Variants in SNX27 observed in about 807,000 individuals in gnomAD.
SNX27 encodes the protein sorting nexin-27.
A neutral mutation model predicts 71.6 loss-of-function variants in SNX27; 22 were observed. That is an observed-to-expected ratio of 0.31 (90% confidence interval 0.22 to 0.44). The LOEUF (loss-of-function observed/expected upper bound fraction) is 0.44, where lower values mean the gene tolerates loss of function less well. Among genes scored for constraint, SNX27 ranks in the 20% least tolerant of loss-of-function variants. SNX27 has a pLI of 1.00. For missense variants in SNX27, 531 were observed against 698.6 expected (o/e 0.76, Z 2.70); for synonymous variants, 269 against 277.2 (o/e 0.97, Z 0.29).
At chr1:151,619,189 A>G (rs989510845) in intron 1 of SNX27, among the ~76,000 whole-genome samples, 4 of 151,998 alleles carry the variant, frequency 2.6e-5, no homozygotes, top group Non-Finnish European at 5.9e-5. Context: ...AAAAATACAA[A>G]AGTTAGCCAC....
At chr1:151,661,117 T>G in intron 4 of SNX27, 1 of 403,096 alleles carries the variant, frequency 2.5e-6, no homozygotes, top group Non-Finnish European at 4.6e-6. Context: ...CACCAAAAAC[T>G]TTTGCAATTA....
intron 2 of SNX27, among the ~76,000 whole-genome samples, chr1:151,648,445 G>A (rs1669162081): frequency 6.6e-6 from 1 of 151,580 alleles, no homozygotes. Flanking sequence ...TTGAGACGGA[G>A]TTTTGCTCTT....
chr1:151,656,231 A>AC (rs1669687525), intron 2 of SNX27, among the ~76,000 whole-genome samples: 1 of 151,550 alleles, frequency 6.6e-6, no homozygotes, highest in Admixed American at 6.6e-5. Flanking sequence ...CTCAAAAAAA[A>AC]AAAAAAAAAA....
chr1:151,668,876 TAG>T (rs1212597983), intron 7 of SNX27, among the ~76,000 whole-genome samples: 1 of 152,156 alleles, frequency 6.6e-6, no homozygotes, highest in Non-Finnish European at 1.5e-5. Flanking sequence ...TTTTAAACAA[TAG>T]AAAATGAGCA....
intron 2 of SNX27, among the ~76,000 whole-genome samples, chr1:151,652,780 T>C (rs1344868167): frequency 6.6e-6 from 1 of 152,192 alleles, no homozygotes; most frequent in Non-Finnish European, 1.5e-5. Context: ...AAATTCTGTA[T>C]CTGTTCATAC....
At position 151,639,002 on chromosome 1, in the gene SNX27, C is replaced by T; in HGVS notation, c.426C>T (p.Asn142=). The T allele has an allele frequency of 6.2e-7, 1 of 1,614,074 alleles. No homozygotes were observed. Among genetic ancestry groups the T allele is most frequent in the Non-Finnish European group, 8.5e-7 (1 of 1,180,040 alleles). Residue 142 remains asparagine (N), a synonymous_variant, in exon 2 of 12, where the codon AAC becomes AAT. Coordinates refer to ENST00000458013, the MANE Select transcript of SNX27 (RefSeq NM_001330723.2). ...VLSVPPHEAD[N]LDPSDDSLGQ... is the part of the protein sequence containing the mutation. ...CTGTACCTCCTCATGAGGCAGATAA[C>T]CTAGATCCCAGTGACGACTCGTTGG...
chr1:151,681,343 G>A (rs887009843), intron 7 of SNX27, among the ~76,000 whole-genome samples: 9 of 146,196 alleles, frequency 6.2e-5, no homozygotes, highest in African/African-American at 7.6e-5. Context: ...CTGGGTTCAC[G>A]CCATTCTCCT....
Position 151,612,228 on chromosome 1 carries a change from T to G in SNX27, c.27T>G (p.Ile9Met), listed in dbSNP as rs766165959. 7.2e-7 allele frequency: 1 copy of G among 1,393,712 alleles called. No homozygotes were observed. The highest frequency in any genetic ancestry group is 9.3e-7 in the Non-Finnish European group (1 of 1,073,790). 86.3% of individuals were successfully genotyped at this position (1,393,712 alleles called of 1,614,324 possible). ...TGGCGGACGAGGACGGGGAAGGGAT[T>G]CATCCCTCAGCCCCTCACAGGAACG... MADEDGEG[I>M]HPSAPHRNGG... The change falls in exon 1 of 12, where the codon ATT becomes ATG. Residue 9 changes from isoleucine (I) to methionine (M), a missense_variant. Coordinates refer to ENST00000458013, the MANE Select transcript of SNX27 (RefSeq NM_001330723.2). This position sits in a 1 kb window ranked among gnomAD's most constrained non-coding sequence, Gnocchi z 5.2.
intron 2 of SNX27, among the ~76,000 whole-genome samples, chr1:151,649,340 T>A (rs1438810195): frequency 1.3e-5 from 2 of 152,118 alleles, no homozygotes; most frequent in Non-Finnish European, 2.9e-5. Flanking sequence ...CCCAGCACTT[T>A]GGGAGGCTGA....
intron 8 of SNX27, among the ~76,000 whole-genome samples, chr1:151,689,099 T>C (rs1671322060): frequency 1.3e-5 from 2 of 152,188 alleles, no homozygotes; most frequent in African/African-American, 4.8e-5. Context: ...TAAATTAGTC[T>C]TTTGATTCAG....
chr1:151,670,223 T>G (rs570493953), intron 7 of SNX27, among the ~76,000 whole-genome samples: 3 of 152,354 alleles, frequency 2.0e-5, no homozygotes, highest in African/African-American at 7.2e-5. Context: ...AATGACTGAC[T>G]CTCATTCTTT....
At chr1:151,671,236 CTTTT>C (rs34972986) in intron 7 of SNX27, among the ~76,000 whole-genome samples, 1 of 138,848 alleles carries the variant, frequency 7.2e-6, no homozygotes. Flanking sequence ...CAGTTTTGTT[CTTTT>C]TTTTTTTTTT....
At chr1:151,642,740 G>T (rs921297791) in intron 2 of SNX27, among the ~76,000 whole-genome samples, 1 of 151,904 alleles carries the variant, frequency 6.6e-6, no homozygotes, top group Non-Finnish European at 1.5e-5. Flanking sequence ...CATGGTTCAC[G>T]CCATTCTCCT....
In SNX27 at chr1:151,671,297, G is replaced by A. The variant is rs148218764; in HGVS notation, c.1149+2662G>A. ...TTGTCACCCAGACCAGAGTGCAGTGGCATGATCACAACTCACTGCAGCCTT... is the reference window on the plus strand; with the variant it reads ...TTGTCACCCAGACCAGAGTGCAGTGACATGATCACAACTCACTGCAGCCTT... On this transcript the variant is annotated intron_variant, in intron 7 of 11. Coordinates refer to ENST00000458013, the MANE Select transcript of SNX27 (RefSeq NM_001330723.2). Among the ~76,000 whole-genome samples the A allele has an allele frequency of 6.1e-3, 922 of 151,462 alleles. 11 individuals are homozygous for A. The highest frequency in any genetic ancestry group is 0.021 in the African/African-American group (856 of 41,214).
At chr1:151,692,864 A>G in intron 9 of SNX27, 47 bp from the exon 10 acceptor site, 1 of 1,611,882 alleles carries the variant, frequency 6.2e-7, no homozygotes, top group Non-Finnish European at 8.5e-7. Context: ...GTTCCCCAGC[A>G]CTCTGAAACA....
At chr1:151,656,211 G>A (rs1669684471) in intron 2 of SNX27, among the ~76,000 whole-genome samples, 3 of 122,720 alleles carry the variant, frequency 2.4e-5, no homozygotes, top group Non-Finnish European at 3.2e-5. Context: ...GTGACAGAGC[G>A]AGACTCCGTC....
At chr1:151,657,024 C>T (rs531751722) in intron 2 of SNX27, among the ~76,000 whole-genome samples, 4 of 151,942 alleles carry the variant, frequency 2.6e-5, no homozygotes, top group Admixed American at 6.5e-5. Context: ...TAACTTTTTG[C>T]GGTCAGAGAA....
intron 1 of SNX27, chr1:151,629,386 C>T (rs180707104): frequency 7.9e-5 from 12 of 151,742 alleles, no homozygotes; most frequent in Admixed American, 7.9e-4. Flanking sequence ...AGCATGGCCC[C>T]TGTGGAAGGA....
chr1:151,680,896 A>G (rs913973898), intron 7 of SNX27, among the ~76,000 whole-genome samples: 2 of 152,100 alleles, frequency 1.3e-5, no homozygotes, highest in African/African-American at 2.4e-5. Flanking sequence ...TTGACATTGC[A>G]TCGTGGTTCT....
Sources: gnomAD v4.1 joint callset for allele counts (sites outside exome capture counted in the v4.1 genomes callset) on GRCh38, gnomAD v4.1.1 for gene constraint, Gnocchi (gnomAD v3.1) non-coding constraint, MANE v1.5 for transcripts, NCBI Gene and HGNC (gene_info 2026-07-23, HGNC 2026-07-21) for gene names.